Variants in PAK5 observed in about 807,000 individuals in gnomAD.
The protein encoded by PAK5 is serine/threonine-protein kinase PAK 5.
Under a neutral mutation model 65.9 loss-of-function variants are expected in PAK5, and 16 were observed. The observed-to-expected ratio is 0.24, with a 90% CI of 0.16 to 0.37. The LOEUF is 0.37. Among genes scored for constraint, PAK5 ranks in the 10% least tolerant of loss-of-function variants. The probability of loss-of-function intolerance (pLI) is 1.00; values close to 1 mark genes in which losing one functional copy is unlikely to be tolerated. For synonymous variants in PAK5, 371 were observed against 354.9 expected (o/e 1.05, Z -0.51); for missense variants, 785 against 903.9 (o/e 0.87, Z 1.69).
intron 1 of PAK5, among the ~76,000 whole-genome samples, chr20:9,773,104 T>A (rs1465896026): frequency 6.6e-6 from 1 of 152,044 alleles, no homozygotes; most frequent in Non-Finnish European, 1.5e-5. Flanking sequence ...TCCAAGAAGA[T>A]CTCTCTGGAA....
At chr20:9,706,179 T>C (rs1201047418) in intron 2 of PAK5, among the ~76,000 whole-genome samples, 1 of 152,242 alleles carries the variant, frequency 6.6e-6, no homozygotes, top group African/African-American at 2.4e-5. Context: ...AGACTTGGCC[T>C]TGTGAGAATC....
At chr20:9,561,581 G>A (rs376251475) in intron 6 of PAK5, among the ~76,000 whole-genome samples, 4 of 152,000 alleles carry the variant, frequency 2.6e-5, no homozygotes, top group Non-Finnish European at 4.4e-5. Flanking sequence ...ACTCCAGACC[G>A]AGAACTGTAG....
chr20:9,775,024 T>C (rs957338916), intron 1 of PAK5, among the ~76,000 whole-genome samples: 15 of 152,084 alleles, frequency 9.9e-5, no homozygotes, highest in African/African-American at 3.6e-4. Context: ...CATATACTAA[T>C]AAGCACAGCA....
At chr20:9,804,463 G>GA (rs1314461664) in intron 1 of PAK5, among the ~76,000 whole-genome samples, 2 of 152,016 alleles carry the variant, frequency 1.3e-5, no homozygotes, top group African/African-American at 2.4e-5. Context: ...CAATACATGG[G>GA]AAAAAATCAT....
At chr20:9,729,655 T>C (rs567465491) in intron 1 of PAK5, among the ~76,000 whole-genome samples, 1 of 152,210 alleles carries the variant, frequency 6.6e-6, no homozygotes, top group East Asian at 1.9e-4. Flanking sequence ...GCCTAGAAAA[T>C]TGATGTGATG....
At chr20:9,809,705 C>T (rs2049275883) in intron 1 of PAK5, among the ~76,000 whole-genome samples, 1 of 152,150 alleles carries the variant, frequency 6.6e-6, no homozygotes, top group African/African-American at 2.4e-5. Context: ...CACACAGCAC[C>T]TGTACAATTA....
chr20:9,799,939 CAAAAA>C (rs71331383), intron 1 of PAK5, among the ~76,000 whole-genome samples: 776 of 43,542 alleles, frequency 0.018, 5 homozygotes, highest in African/African-American at 0.048. Flanking sequence ...ACTCTGTCTC[CAAAAA>C]AAAAAAAAAA....
intron 7 of PAK5, among the ~76,000 whole-genome samples, chr20:9,553,927 A>G (rs2122937889): frequency 6.6e-6 from 1 of 152,308 alleles, no homozygotes; most frequent in African/African-American, 2.4e-5. Context: ...AGAACTGCCA[A>G]AGTATTTTCT....
intron 2 of PAK5, among the ~76,000 whole-genome samples, chr20:9,697,837 T>TA (rs2047889309): frequency 6.6e-6 from 1 of 152,150 alleles, no homozygotes; most frequent in Non-Finnish European, 1.5e-5. Context: ...ACATAATTAT[T>TA]AACAGCTCTC....
chr20:9,617,883 T>A (rs219863), intron 3 of PAK5, among the ~76,000 whole-genome samples: 3,918 of 152,198 alleles, frequency 0.026, 74 homozygotes, highest in Non-Finnish European at 0.036. Flanking sequence ...TGAACAGCTC[T>A]TCTACCAAAG....
intron 3 of PAK5, among the ~76,000 whole-genome samples, chr20:9,589,436 A>G (rs2046127465): frequency 6.6e-6 from 1 of 152,208 alleles, no homozygotes; most frequent in South Asian, 2.1e-4. Flanking sequence ...TATTACCAAT[A>G]GATATTTTAT....
intron 1 of PAK5, among the ~76,000 whole-genome samples, chr20:9,807,863 GA>G (rs572300274): frequency 7.5e-4 from 114 of 152,086 alleles, no homozygotes; most frequent in South Asian, 1.5e-3. Context: ...GGAGGACCTA[GA>G]AAATGACAAT....
At chr20:9,812,235 TA>T (rs1360738250) in intron 1 of PAK5, among the ~76,000 whole-genome samples, 1 of 151,704 alleles carries the variant, frequency 6.6e-6, no homozygotes, top group East Asian at 1.9e-4. Flanking sequence ...TAACATACCT[TA>T]AAAAGGCCTT....
At chr20:9,719,867 G>A (rs2048193953) in intron 1 of PAK5, among the ~76,000 whole-genome samples, 1 of 152,046 alleles carries the variant, frequency 6.6e-6, no homozygotes, top group African/African-American at 2.4e-5. Flanking sequence ...GATACTGTAA[G>A]GTACTACACA....
chr20:9,599,132 G>A (rs1021447974), intron 3 of PAK5, among the ~76,000 whole-genome samples: 1 of 152,100 alleles, frequency 6.6e-6, no homozygotes, highest in Non-Finnish European at 1.5e-5. Flanking sequence ...TTGTTCTTTT[G>A]TCCCTGGTTT....
chr20:9,595,160 C>A (rs1779997991), intron 3 of PAK5, among the ~76,000 whole-genome samples: 1 of 151,248 alleles, frequency 6.6e-6, no homozygotes, highest in Admixed American at 6.6e-5. Flanking sequence ...TAAAAAAAAT[C>A]TAGCCCCTAA....
chr20:9,607,415 C>T (rs151283128), intron 3 of PAK5, among the ~76,000 whole-genome samples: 24 of 152,326 alleles, frequency 1.6e-4, no homozygotes, highest in African/African-American at 5.3e-4. Context: ...AAATATGCAA[C>T]ATGTGACTTT....
intron 1 of PAK5, among the ~76,000 whole-genome samples, chr20:9,728,653 C>G (rs184364017): frequency 2.6e-5 from 4 of 152,128 alleles, no homozygotes; most frequent in Admixed American, 2.6e-4. Context: ...TTGGACTGAA[C>G]AGAGAAAGGA....
chr20:9,744,007 A>G (rs2048479471), intron 1 of PAK5, among the ~76,000 whole-genome samples: 1 of 152,206 alleles, frequency 6.6e-6, no homozygotes, highest in Admixed American at 6.5e-5. Flanking sequence ...CAATGTGAAG[A>G]GAGGGATTTG....
Sources: gnomAD v4.1 joint callset for allele counts (sites outside exome capture counted in the v4.1 genomes callset) on GRCh38, gnomAD v4.1.1 for gene constraint, MANE v1.5 for transcripts, NCBI Gene and HGNC (gene_info 2026-07-23, HGNC 2026-07-21) for gene names.